WFDC2: variants seen among roughly 807,000 people sequenced by gnomAD.
WFDC2 encodes WAP four-disulfide core domain protein 2.
In WFDC2, 8 loss-of-function variants were observed where a neutral mutation model predicts 12.5. That is an observed-to-expected ratio of 0.64 (90% confidence interval 0.37 to 1.15). The LOEUF (loss-of-function observed/expected upper bound fraction) is 1.15, where lower values mean the gene tolerates loss of function less well. Among genes scored for constraint, WFDC2 ranks in the 50% most tolerant of loss-of-function variants. WFDC2 has a pLI of 0.01. For synonymous variants in WFDC2, 74 were observed against 67.2 expected, an observed-to-expected ratio of 1.10 and a Z score of -0.49; for missense variants, 166 against 159.9, an observed-to-expected ratio of 1.04 and a Z score of -0.21.
chr20:45,475,658 T>C (rs1248177345), intron 2 of WFDC2, among the ~76,000 whole-genome samples: 1 of 152,184 alleles, frequency 6.6e-6, no homozygotes, highest in African/African-American at 2.4e-5. Context: ...TTCTGTTGAT[T>C]TGGGGTGGAG....
Position 45,480,067 on chromosome 20 carries a change from G to T in WFDC2, c.349G>T (p.Val117Leu), listed in dbSNP as rs1448885241. Residue 117 changes from valine to leucine, a missense_variant, in exon 3 of 4, where the codon GTG becomes TTG. Physicochemically the swap from Val to Leu is conservative, Grantham distance 32 (BLOSUM62 1). Transcript: ENST00000372676. ...ATGCTGCCGCAATGGCTGTGGGAAG[G>T]TGTCCTGTGTCACTCCCAATTTCTG... is the stretch of plus-strand genomic sequence containing the variant. ...MKCCRNGCGKVSCVTPNF is the reference protein window; with the variant it reads ...MKCCRNGCGKLSCVTPNF 6 of 1,614,188 alleles carry T rather than the reference G, an allele frequency of 3.7e-6. No homozygotes were observed. The highest frequency in any genetic ancestry group is 5.1e-6 in the Non-Finnish European group (6 of 1,180,012).
intron 2 of WFDC2, among the ~76,000 whole-genome samples, chr20:45,478,815 CG>C (rs113450991): frequency 4.6e-5 from 7 of 151,688 alleles, no homozygotes; most frequent in South Asian, 4.2e-4. Context: ...TTTAGTAGAG[CG>C]GGGGGTCTCG....
chr20:45,470,329 G>A lies in WFDC2; in HGVS notation c.80-60G>A, dbSNP rs1035511531. 9.9e-6 allele frequency: 15 copies of A among 1,521,602 alleles called. No homozygotes were observed. Among genetic ancestry groups the A allele is most frequent in the East Asian group, 9.8e-5 (4 of 40,676 alleles). 94.3% of individuals were successfully genotyped at this position (1,521,602 alleles called of 1,614,324 possible). A position where few individuals can be genotyped will look rare whatever the true frequency, so the allele number is the denominator to read the frequency against. On this transcript the variant is annotated intron_variant, in intron 1 of 3. Transcript: ENST00000372676. The surrounding 1 kb of genome is among the most constrained non-coding windows in gnomAD (Gnocchi z 5.4). Reference sequence around the variant, plus strand: ...GGGTTAAGGTTTGGAGCAGGAGGTGGGCATCCTCTGGGGCTGGCGCTACGC... The same window carrying A: ...GGGTTAAGGTTTGGAGCAGGAGGTGAGCATCCTCTGGGGCTGGCGCTACGC...
intron 2 of WFDC2, among the ~76,000 whole-genome samples, chr20:45,472,941 A>G (rs56339761): frequency 0.015 from 2,214 of 152,320 alleles, 47 homozygotes; most frequent in African/African-American, 0.05. Flanking sequence ...TCTAATGACC[A>G]GTGATGATGA....
intron 2 of WFDC2, among the ~76,000 whole-genome samples, chr20:45,475,913 C>T (rs945578995): frequency 1.3e-5 from 2 of 152,094 alleles, no homozygotes; most frequent in African/African-American, 4.8e-5. Flanking sequence ...TGCATTGATC[C>T]CTTTACCATT....
intron 2 of WFDC2, among the ~76,000 whole-genome samples, chr20:45,473,044 G>A (rs534639337): frequency 1.6e-4 from 25 of 152,000 alleles, no homozygotes; most frequent in Non-Finnish European, 2.5e-4. Flanking sequence ...TTTTTTTCTC[G>A]TAAATTTGTT....
Position 45,470,478 on chromosome 20 carries a change from G to A in WFDC2, c.169G>A (p.Asp57Asn). 2.5e-6 allele frequency: 4 copies of A among 1,597,802 alleles called. No individual in the cohort carries two copies. The highest frequency in any genetic ancestry group is 2.6e-6 in the Non-Finnish European group (3 of 1,171,814). The change falls in exon 2 of 4, where the codon GAC becomes AAC. Residue 57 changes from aspartate to asparagine, a missense_variant. Asp to Asn is a conservative substitution (Grantham distance 23). Transcript: ENST00000372676. This position sits in a 1 kb window ranked among gnomAD's most constrained non-coding sequence, Gnocchi z 5.4. ...QECVSDSECA[D>N]NLKCCSAGCA... ...GTGCGTCTCGGACAGCGAATGCGCC[G>A]ACAACCTCAAGTGCTGCAGCGCGGG...
rs759119210 is a variant in WFDC2, at chr20:45,470,521, C to T, written c.212C>T (p.Ser71Phe). 2.5e-6 allele frequency: 4 copies of T among 1,597,728 alleles called. No homozygotes were observed. The Admixed American group carries it at 6.9e-5, about 27-fold the overall frequency. Residue 71 changes from serine to phenylalanine, a missense_variant, in exon 2 of 4, where the codon TCT (serine) becomes TTT (phenylalanine). Physicochemically the swap from Ser to Phe is radical, Grantham distance 155. Coordinates refer to ENST00000372676, the MANE Select transcript of WFDC2 (RefSeq NM_006103.4). This position sits in a 1 kb window ranked among gnomAD's most constrained non-coding sequence, Gnocchi z 5.4. ...CCSAGCATFC[S>F]LPNDKEGSCP... ...AGCGCGGGCTGTGCCACCTTCTGCT[C>T]TCTGCCCAATGGTAACCCCACGGCG...
At chr20:45,473,680 C>G (rs1027262013) in intron 2 of WFDC2, among the ~76,000 whole-genome samples, 1 of 152,054 alleles carries the variant, frequency 6.6e-6, no homozygotes, top group African/African-American at 2.4e-5. Context: ...TTATTTGGTT[C>G]CATATGAAAT....
At position 45,469,820 on chromosome 20, in the gene WFDC2, C is replaced by T. The variant is rs758370821; in HGVS notation, c.39C>T (p.Leu13=). ...ACRLGPLAAA[L]LLSLLLFGFT... Reference sequence around the variant, plus strand: ...GCCTAGGCCCGCTAGCCGCCGCCCTCCTCCTCAGCCTGCTGCTGTTCGGCT... The same window carrying T: ...GCCTAGGCCCGCTAGCCGCCGCCCTTCTCCTCAGCCTGCTGCTGTTCGGCT... Residue 13 remains leucine (L), a synonymous_variant, in exon 1 of 4, where the codon CTC becomes CTT. Transcript: ENST00000372676. 1.2e-6 allele frequency: 2 copies of T among 1,611,186 alleles called. No homozygotes were observed. Among genetic ancestry groups the T allele is most frequent in the Non-Finnish European group, 8.5e-7 (1 of 1,179,016 alleles).
At position 45,469,835 on chromosome 20, in the gene WFDC2, G is replaced by A; in HGVS notation, c.54G>A (p.Leu18=). Residue 18 remains leucine (L), a synonymous_variant, in exon 1 of 4, where the codon CTG becomes CTA. Transcript: ENST00000372676. ...PLAAALLLSL[L]LFGFTLVSGT... is the part of the protein sequence containing the mutation. ...CCGCCGCCCTCCTCCTCAGCCTGCT[G>A]CTGTTCGGCTTCACCCTAGTCTCAG... 1.2e-6 allele frequency: 2 copies of A among 1,611,040 alleles called. No individual in the cohort carries two copies.
At chr20:45,479,100 T>C (rs978912652) in intron 2 of WFDC2, among the ~76,000 whole-genome samples, 6 of 151,848 alleles carry the variant, frequency 4.0e-5, no homozygotes, top group African/African-American at 1.5e-4. Context: ...GGAAGTGGAG[T>C]GTGATTGTGT....
rs1253926704 is a variant in WFDC2 at position 45,470,552 on chromosome 20, G to C, written c.223+20G>C. On this transcript the variant is annotated intron_variant, in intron 2 of 3. Transcript: ENST00000372676. The surrounding 1 kb of genome is among the most constrained non-coding windows in gnomAD (Gnocchi z 5.4). Reference sequence around the variant, plus strand: ...CCAATGGTAACCCCACGGCGGCCGAGCGGGAACGGGGCGGGGCCGCGCTGG... The same window carrying C: ...CCAATGGTAACCCCACGGCGGCCGACCGGGAACGGGGCGGGGCCGCGCTGG... 1 of 1,577,202 alleles carries C rather than the reference G, an allele frequency of 6.3e-7. No individual in the cohort carries two copies. Among genetic ancestry groups the C allele is most frequent in the Admixed American group, 1.8e-5 (1 of 56,252 alleles).
At chr20:45,476,568 G>A (rs930697444) in intron 2 of WFDC2, among the ~76,000 whole-genome samples, 1 of 152,174 alleles carries the variant, frequency 6.6e-6, no homozygotes, top group African/African-American at 2.4e-5. Flanking sequence ...CTCCCATAGT[G>A]GGTAACCCAA....
In WFDC2 at chr20:45,470,570, C is replaced by T; in HGVS notation, c.223+38C>T. 1.3e-6 allele frequency: 2 copies of T among 1,545,324 alleles called. No homozygotes were observed. The highest frequency in any genetic ancestry group is 1.8e-6 in the Non-Finnish European group (2 of 1,141,262). ...CGGCCGAGCGGGAACGGGGCGGGGC[C>T]GCGCTGGGCTGGGAGGAGGTGGGAG... On this transcript the variant is annotated intron_variant, in intron 2 of 3. Transcript: ENST00000372676. The surrounding 1 kb of genome is among the most constrained non-coding windows in gnomAD (Gnocchi z 5.4).
At chr20:45,478,115 G>A (rs998567872) in intron 2 of WFDC2, among the ~76,000 whole-genome samples, 3 of 152,136 alleles carry the variant, frequency 2.0e-5, no homozygotes, top group Non-Finnish European at 2.9e-5. Context: ...GGTGGGATCC[G>A]CTGAGCTAGA....
Position 45,470,417 on chromosome 20 carries a change from C to A in WFDC2, c.108C>A (p.Cys36Ter). ...CAGGAGCAGAGAAGACTGGCGTGTG[C>A]CCCGAGCTCCAGGCTGACCAGAACT... ...SGTGAEKTGVCPELQADQNCT... is the reference protein window; with the variant it reads ...SGTGAEKTGV Residue 36 changes from cysteine to a stop codon, truncating the protein, a stop_gained, in exon 2 of 4, where the codon TGC (cysteine) becomes TGA (stop). Coordinates refer to ENST00000372676, the MANE Select transcript of WFDC2 (RefSeq NM_006103.4). LOFTEE classifies it high-confidence loss of function. The surrounding 1 kb of genome is among the most constrained non-coding windows in gnomAD (Gnocchi z 5.4). The A allele has an allele frequency of 6.3e-7, 1 of 1,590,490 alleles. No homozygotes were observed. Among genetic ancestry groups the A allele is most frequent in the South Asian group, 1.1e-5 (1 of 87,654 alleles).
chr20:45,473,031 G>A (rs1163435640), intron 2 of WFDC2, among the ~76,000 whole-genome samples: 2 of 151,694 alleles, frequency 1.3e-5, no homozygotes, highest in Non-Finnish European at 3.0e-5. Context: ...CGTTCTAATG[G>A]GGTTTTTTTC....
chr20:45,471,450 G>T (rs1442099535), intron 2 of WFDC2: 5 of 197,522 alleles, frequency 2.5e-5, no homozygotes, highest in Admixed American at 5.5e-5. Flanking sequence ...CCAGAATACA[G>T]CCCCTGTGAC....
Sources: gnomAD v4.1 joint callset for allele counts (sites outside exome capture counted in the v4.1 genomes callset) on GRCh38, gnomAD v4.1.1 for gene constraint, Gnocchi (gnomAD v3.1) non-coding constraint, MANE v1.5 for transcripts, NCBI Gene and HGNC (gene_info 2026-07-23, HGNC 2026-07-21) for gene names.